The following SPTLC2 variants were observed in gnomAD, a reference collection of about 807,000 sequenced individuals.
SPTLC2 encodes serine palmitoyltransferase 2.
A neutral mutation model predicts 62.0 loss-of-function variants in SPTLC2; 21 were observed. The ratio of observed to expected loss-of-function variants is 0.34; its 90% CI spans 0.24 to 0.49. The LOEUF is 0.49. Ranked by LOEUF, SPTLC2 falls within the 20% of genes least tolerant of loss-of-function variation. SPTLC2 has a pLI of 0.99. For synonymous variants in SPTLC2, 261 were observed against 261.8 expected (o/e 1.00, Z 0.03); for missense variants, 511 against 713.0 (o/e 0.72, Z 3.23).
intron 9 of SPTLC2, among the ~76,000 whole-genome samples, chr14:77,544,929 T>G (rs1004955275): frequency 6.6e-6 from 1 of 152,126 alleles, no homozygotes; most frequent in African/African-American, 2.4e-5. Flanking sequence ...TTTTTCTATC[T>G]ACTCACTCCC....
In SPTLC2 at chr14:77,558,236, G is replaced by C. The variant is rs570315840; in HGVS notation, c.851-1090C>G. Reference sequence around the variant, plus strand: ...CTAATTTTGTACTTTTGTAGAGACGGGGTTTCACCATGTTGGCCAGGCTTG... The same window carrying C: ...CTAATTTTGTACTTTTGTAGAGACGCGGTTTCACCATGTTGGCCAGGCTTG... On this transcript the variant is annotated intron_variant, in intron 6 of 11. Coordinates refer to ENST00000216484, the MANE Select transcript of SPTLC2 (RefSeq NM_004863.4). Among the ~76,000 whole-genome samples the C allele has an allele frequency of 1.4e-3, 209 of 152,182 alleles. 4 individuals carry two copies. Among genetic ancestry groups the C allele is most frequent in the South Asian group, 7.1e-3 (34 of 4,816 alleles).
Position 77,598,811 on chromosome 14 carries a change from C to T in SPTLC2, c.133-1431G>A, listed in dbSNP as rs141891760. Among the ~76,000 whole-genome samples, 259 of 152,048 alleles carry T rather than the reference C, an allele frequency of 1.7e-3. 2 individuals carry two copies. Among genetic ancestry groups the T allele is most frequent in the African/African-American group, 6.1e-3 (252 of 41,444 alleles). ...CACTAGCTGGACATGGTGGCACATG[C>T]CTGTAGTCCCAGGTCCTCAGGAGAT... On this transcript the variant is annotated intron_variant, in intron 1 of 11. Coordinates refer to ENST00000216484, the MANE Select transcript of SPTLC2 (RefSeq NM_004863.4).
intron 11 of SPTLC2, 127 bp downstream of exon 11, chr14:77,517,911 G>T: frequency 7.0e-7 from 1 of 1,437,286 alleles, no homozygotes; most frequent in Non-Finnish European, 9.7e-7. Context: ...GTTTTTGGTA[G>T]CACTGTCACC....
At chr14:77,538,205 T>G (rs1176236746) in intron 9 of SPTLC2, among the ~76,000 whole-genome samples, 1 of 152,236 alleles carries the variant, frequency 6.6e-6, no homozygotes, top group Non-Finnish European at 1.5e-5. Context: ...TTCTCCAATT[T>G]AGAGTACCTC....
At chr14:77,580,304 G>A (rs1366269723) in intron 2 of SPTLC2, among the ~76,000 whole-genome samples, 5 of 151,916 alleles carry the variant, frequency 3.3e-5, no homozygotes, top group African/African-American at 4.8e-5. Flanking sequence ...CCAACATGGC[G>A]AAACCCATCG....
chr14:77,577,636 A>G (rs2079723917), intron 3 of SPTLC2, among the ~76,000 whole-genome samples: 1 of 152,208 alleles, frequency 6.6e-6, no homozygotes, highest in African/African-American at 2.4e-5. Flanking sequence ...ACGGTGGCTC[A>G]CGCCTGTAAT....
chr14:77,555,109 C>T (rs1056363681), intron 8 of SPTLC2, among the ~76,000 whole-genome samples, 191 bp downstream of exon 8: 1 of 152,144 alleles, frequency 6.6e-6, no homozygotes, highest in African/African-American at 2.4e-5. Flanking sequence ...AATAAGAAAA[C>T]AACAAACAAT....
intron 6 of SPTLC2, among the ~76,000 whole-genome samples, chr14:77,560,869 A>C (rs1340285499): frequency 1.4e-5 from 2 of 144,586 alleles, no homozygotes; most frequent in African/African-American, 5.1e-5. Context: ...AGAGTGAGGC[A>C]GGGGAGGTTG....
chr14:77,582,892 T>C (rs17106022), intron 2 of SPTLC2, among the ~76,000 whole-genome samples: 28,572 of 152,002 alleles, frequency 0.19, 3,166 homozygotes, highest in East Asian at 0.55. Context: ...TCTCAGTCAG[T>C]AGGTTCAGCA....
intron 5 of SPTLC2, among the ~76,000 whole-genome samples, chr14:77,566,393 G>A (rs533731568): frequency 3.9e-5 from 6 of 152,278 alleles, no homozygotes; most frequent in Admixed American, 2.0e-4. Context: ...CTATGTAGCA[G>A]ACACTATTAT....
intron 9 of SPTLC2, among the ~76,000 whole-genome samples, chr14:77,548,116 T>C (rs2079539003): frequency 6.6e-6 from 1 of 152,174 alleles, no homozygotes; most frequent in African/African-American, 2.4e-5. Context: ...TACAAAACTC[T>C]ATAAAGCGTT....
intron 6 of SPTLC2, among the ~76,000 whole-genome samples, chr14:77,561,616 A>T (rs1054314899): frequency 6.6e-6 from 1 of 152,056 alleles, no homozygotes; most frequent in African/African-American, 2.4e-5. Context: ...AGCCTCAAAA[A>T]AAAAAAAAAG....
At chr14:77,603,971 G>A (rs1317336390) in intron 1 of SPTLC2, among the ~76,000 whole-genome samples, 1 of 152,154 alleles carries the variant, frequency 6.6e-6, no homozygotes, top group African/African-American at 2.4e-5. Flanking sequence ...CTGCTGACAC[G>A]TTCTGAGCCT....
At chr14:77,526,518 G>C (rs576296365) in intron 9 of SPTLC2, among the ~76,000 whole-genome samples, 7 of 152,110 alleles carry the variant, frequency 4.6e-5, no homozygotes, top group Non-Finnish European at 8.8e-5. Flanking sequence ...ACTGACTCTT[G>C]AATTTTACAA....
At chr14:77,568,124 C>T (rs59465322) in intron 5 of SPTLC2, among the ~76,000 whole-genome samples, 12,269 of 152,220 alleles carry the variant, frequency 0.081, 570 homozygotes, top group African/African-American at 0.12. Flanking sequence ...CTGAGCATTG[C>T]TTTAGCTTCA....
Position 77,611,090 on chromosome 14 carries a change from G to A in SPTLC2, c.132+5358C>T, listed in dbSNP as rs2079933984. The stretch of plus-strand genomic sequence containing the variant: ...AGGCGGATTACAAGGTCAGGAGAGC[G>A]AGACCATCCTGGCTAACATGGGGAA... On this transcript the variant is annotated intron_variant, in intron 1 of 11. Coordinates refer to ENST00000216484, the MANE Select transcript of SPTLC2 (RefSeq NM_004863.4). 3.5e-5 allele frequency among the ~76,000 whole-genome samples: 5 copies of A among 143,862 alleles called. No homozygotes were observed. The South Asian group carries it at 6.6e-4, about 19-fold the overall frequency. The allele number at this position is 143,862 out of a possible 152,430, so 94.4% of individuals were successfully genotyped here.
chr14:77,545,985 C>T (rs1445183363), intron 9 of SPTLC2, among the ~76,000 whole-genome samples: 4 of 152,144 alleles, frequency 2.6e-5, no homozygotes, highest in African/African-American at 9.7e-5. Flanking sequence ...GGCTACTGAT[C>T]CATGGAGAGA....
chr14:77,527,147 AGTGCAGTG>A (rs2079413121), intron 9 of SPTLC2, among the ~76,000 whole-genome samples: 1 of 150,586 alleles, frequency 6.6e-6, no homozygotes, highest in African/African-American at 2.4e-5. Context: ...CCCAGGCTGC[AGTGCAGTG>A]GTGCGATCTC....
chr14:77,584,409 GTATT>G (rs1566787565), intron 2 of SPTLC2, among the ~76,000 whole-genome samples: 1 of 152,144 alleles, frequency 6.6e-6, no homozygotes, highest in Non-Finnish European at 1.5e-5. Context: ...CATCTACTGA[GTATT>G]TATGACATAC....
Sources: allele counts gnomAD v4.1 joint callset (sites outside exome capture counted in the v4.1 genomes callset), GRCh38; gene constraint gnomAD v4.1.1; transcripts MANE v1.5; gene names NCBI Gene and HGNC (gene_info 2026-07-23, HGNC 2026-07-21).